Variants in ATRNL1 observed in about 807,000 individuals in gnomAD.
ATRNL1 encodes the protein attractin like 1.
ATRNL1 carries 95 observed loss-of-function variants against 182.7 expected under a neutral mutation model. That is an observed-to-expected ratio of 0.52 (90% CI 0.44 to 0.62). The LOEUF (loss-of-function observed/expected upper bound fraction) is 0.62. ATRNL1 is among the 20% of genes least tolerant of loss of function. The pLI is 0.00. For synonymous variants in ATRNL1, 576 were observed against 568.3 expected (o/e 1.01, Z -0.19); for missense variants, 1,471 against 1,679.5 (o/e 0.88, Z 2.17).
chr10:115,305,592 A>C (rs1853686912), intron 17 of ATRNL1, among the ~76,000 whole-genome samples: 1 of 152,114 alleles, frequency 6.6e-6, no homozygotes, highest in African/African-American at 2.4e-5. Flanking sequence ...ACTTGTGGGG[A>C]ATGAGACAAT....
rs367828723 is a variant in ATRNL1 at position 115,490,625 on chromosome 10, A to G, written c.3654+21296A>G. On this transcript the variant is annotated intron_variant, in intron 24 of 28. Coordinates refer to ENST00000355044, the MANE Select transcript of ATRNL1 (RefSeq NM_207303.4). ...GTTATTCTAGTTAGCAATTCATCTA[A>G]CCTTTTTTCAAGGTTCTTATCTTCC... is the stretch of plus-strand genomic sequence containing the variant. 3.3e-5 allele frequency among the ~76,000 whole-genome samples: 5 copies of G among 151,900 alleles called. No homozygotes were observed. In the East Asian group the frequency reaches 9.8e-4, roughly 30 times the overall value.
intron 28 of ATRNL1, among the ~76,000 whole-genome samples, chr10:115,938,457 A>G (rs1326082135): frequency 1.3e-5 from 2 of 152,210 alleles, no homozygotes; most frequent in African/African-American, 4.8e-5. Flanking sequence ...AAATTTCAGG[A>G]GGCATATATT....
intron 20 of ATRNL1, among the ~76,000 whole-genome samples, chr10:115,425,412 A>G (rs1430040608): frequency 6.6e-6 from 1 of 151,948 alleles, no homozygotes; most frequent in African/African-American, 2.4e-5. Flanking sequence ...TGGTGCATAA[A>G]TTTTATAATA....
chr10:115,774,814 A>AT (rs1219086221), intron 27 of ATRNL1, among the ~76,000 whole-genome samples: 1 of 151,786 alleles, frequency 6.6e-6, no homozygotes, highest in African/African-American at 2.4e-5. Flanking sequence ...GCTAGCACTT[A>AT]TAACACTTCT....
chr10:115,199,448 CAGCTACTTGGGAGGCTG>C (rs1848476409), intron 8 of ATRNL1, among the ~76,000 whole-genome samples: 1 of 151,968 alleles, frequency 6.6e-6, no homozygotes, highest in African/African-American at 2.4e-5. Flanking sequence ...CCTTTAGTCC[CAGCTACTTGGGAGGCTG>C]AGGCAGGAGA....
intron 19 of ATRNL1, among the ~76,000 whole-genome samples, chr10:115,360,922 T>G (rs1267500067): frequency 6.6e-6 from 1 of 151,952 alleles, no homozygotes; most frequent in African/African-American, 2.4e-5. Flanking sequence ...TATGCACTTT[T>G]GGCAGGAATA....
intron 15 of ATRNL1, among the ~76,000 whole-genome samples, chr10:115,297,282 A>G (rs76704349): frequency 0.012 from 1,787 of 152,272 alleles, 33 homozygotes; most frequent in African/African-American, 0.04. Flanking sequence ...GACAAACAAC[A>G]TAAGTTAAAA....
intron 21 of ATRNL1, among the ~76,000 whole-genome samples, chr10:115,455,347 CTGATCTT>C (rs1296704568): frequency 2.6e-5 from 4 of 152,124 alleles, no homozygotes; most frequent in Non-Finnish European, 5.9e-5. Context: ...CTACAACCAT[CTGATCTT>C]TGACAAACCT....
chr10:115,342,618 T>C (rs1251131946), intron 19 of ATRNL1, among the ~76,000 whole-genome samples: 4 of 152,154 alleles, frequency 2.6e-5, no homozygotes, highest in African/African-American at 9.7e-5. Flanking sequence ...ATAAGAGTAT[T>C]TTACTCACCA....
At chr10:115,619,201 G>A (rs979584666) in intron 26 of ATRNL1, among the ~76,000 whole-genome samples, 1 of 152,138 alleles carries the variant, frequency 6.6e-6, no homozygotes, top group Admixed American at 6.5e-5. Context: ...GGGTCTCTGG[G>A]GTCATGTGTA....
intron 10 of ATRNL1, among the ~76,000 whole-genome samples, chr10:115,254,572 C>G (rs1283952692): frequency 6.6e-6 from 1 of 152,052 alleles, no homozygotes; most frequent in Non-Finnish European, 1.5e-5. Context: ...AAAATTTTCT[C>G]CCATTCTGTA....
At chr10:115,544,871 T>C (rs533017794) in intron 25 of ATRNL1, among the ~76,000 whole-genome samples, 10 of 152,306 alleles carry the variant, frequency 6.6e-5, no homozygotes. Flanking sequence ...ATATAACTTT[T>C]TAACTATGCT....
chr10:115,367,444 CT>C (rs1554946331), intron 19 of ATRNL1, among the ~76,000 whole-genome samples: 3 of 145,798 alleles, frequency 2.1e-5, no homozygotes, highest in African/African-American at 7.5e-5. Context: ...AAGTTTTCAA[CT>C]TCTTTGCCTT....
intron 26 of ATRNL1, among the ~76,000 whole-genome samples, chr10:115,581,866 G>T (rs1420322184): frequency 6.7e-6 from 1 of 149,910 alleles, no homozygotes; most frequent in African/African-American, 2.4e-5. Context: ...CTAGCATTAG[G>T]TATACCTCCC....
chr10:115,739,434 T>C (rs535934735), intron 27 of ATRNL1, among the ~76,000 whole-genome samples: 4 of 152,340 alleles, frequency 2.6e-5, no homozygotes, highest in Non-Finnish European at 4.4e-5. Flanking sequence ...TTGCCAACAC[T>C]GTCCTCCACC....
At chr10:115,806,489 A>G (rs1949923263) in intron 27 of ATRNL1, among the ~76,000 whole-genome samples, 1 of 152,186 alleles carries the variant, frequency 6.6e-6, no homozygotes, top group Non-Finnish European at 1.5e-5. Flanking sequence ...AATATATGCT[A>G]CAGTTGCAAG....
At chr10:115,619,650 C>T (rs79110806) in intron 26 of ATRNL1, among the ~76,000 whole-genome samples, 1 of 152,126 alleles carries the variant, frequency 6.6e-6, no homozygotes, top group African/African-American at 2.4e-5. Context: ...CATGTTTAAC[C>T]ATTTATTTTT....
chr10:115,207,369 A>G (rs901618246), intron 8 of ATRNL1, among the ~76,000 whole-genome samples: 1 of 152,150 alleles, frequency 6.6e-6, no homozygotes, highest in East Asian at 1.9e-4. Context: ...TGACTTTTTA[A>G]TGATCGCCGT....
intron 8 of ATRNL1, among the ~76,000 whole-genome samples, chr10:115,192,312 A>G (rs1848199493): frequency 6.6e-6 from 1 of 152,012 alleles, no homozygotes; most frequent in Admixed American, 6.6e-5. Context: ...TCTTCTGCCT[A>G]TGGATATCCA....
Sources: gnomAD v4.1 joint callset for allele counts (sites outside exome capture counted in the v4.1 genomes callset) on GRCh38, gnomAD v4.1.1 for gene constraint, MANE v1.5 for transcripts, NCBI Gene and HGNC (gene_info 2026-07-23, HGNC 2026-07-21) for gene names.